ARHGEF3: variants seen among roughly 807,000 people sequenced by gnomAD.
ARHGEF3 encodes 59.8 kDA protein.
A neutral mutation model predicts 63.2 loss-of-function variants in ARHGEF3; 28 were observed. The ratio of observed to expected loss-of-function variants is 0.44; its 90% CI spans 0.33 to 0.61. The LOEUF (loss-of-function observed/expected upper bound fraction) is 0.61. ARHGEF3 is among the 20% of genes least tolerant of loss of function. ARHGEF3 has a pLI of 0.03. For synonymous variants in ARHGEF3, 266 were observed against 254.2 expected (o/e 1.05, Z -0.44); for missense variants, 533 against 659.3 (o/e 0.81, Z 2.10).
At chr3:56,970,137 T>C (rs941507795) in intron 2 of ARHGEF3, among the ~76,000 whole-genome samples, 8 of 152,182 alleles carry the variant, frequency 5.3e-5, no homozygotes, top group Admixed American at 4.6e-4. Context: ...CACAACCTTG[T>C]GAATGTACTT....
At chr3:56,888,906 A>AC (rs2041017797) in intron 3 of ARHGEF3, among the ~76,000 whole-genome samples, 1 of 148,752 alleles carries the variant, frequency 6.7e-6, no homozygotes, top group Non-Finnish European at 1.5e-5. Context: ...TCCATCTCAA[A>AC]AAAAAACAAA....
At chr3:56,967,566 T>C (rs1360563421) in intron 2 of ARHGEF3, among the ~76,000 whole-genome samples, 4 of 90,254 alleles carry the variant, frequency 4.4e-5, no homozygotes, top group Non-Finnish European at 7.7e-5. Flanking sequence ...ATATAATATA[T>C]AATATATATT....
chr3:56,820,375 TTAAAACACATAATGAGAAAG>T (rs2038436263), intron 4 of ARHGEF3, among the ~76,000 whole-genome samples: 1 of 151,918 alleles, frequency 6.6e-6, no homozygotes, highest in South Asian at 2.1e-4. Context: ...GAGGAAAACA[TTAAAACACATAATGAGAAAG>T]CACACCTGAA....
intron 3 of ARHGEF3, among the ~76,000 whole-genome samples, chr3:56,918,470 C>T (rs948480525): frequency 6.6e-6 from 1 of 152,240 alleles, no homozygotes; most frequent in Non-Finnish European, 1.5e-5. Context: ...GGCTGCAGCA[C>T]TTCGTGCAAG....
At chr3:56,789,373 G>A (rs964701286) in intron 1 of ARHGEF3, among the ~76,000 whole-genome samples, 3 of 152,162 alleles carry the variant, frequency 2.0e-5, no homozygotes, top group Admixed American at 6.5e-5. Flanking sequence ...CATTTTAGCT[G>A]GCACTTTGGC....
intron 4 of ARHGEF3, among the ~76,000 whole-genome samples, chr3:56,872,558 G>A (rs1358789620): frequency 7.0e-6 from 1 of 142,118 alleles, no homozygotes; most frequent in Non-Finnish European, 1.5e-5. Context: ...TTGCCAGGCT[G>A]GAGTGCAGTG....
In ARHGEF3 at chr3:56,760,724, G is replaced by A. The variant is rs144881997; in HGVS notation, c.205-5573C>T. Among the ~76,000 whole-genome samples the A allele has an allele frequency of 2.3e-3, 348 of 151,856 alleles. 2 individuals are homozygous for A. The highest frequency in any genetic ancestry group is 8.0e-3 in the African/African-American group (333 of 41,548). On this transcript the variant is annotated intron_variant, in intron 2 of 9. Coordinates refer to ENST00000296315, the MANE Select transcript of ARHGEF3 (RefSeq NM_019555.3). ...TTCTACTTTGGGGACTGCATCTACT[G>A]TTTACATGCAAGACATGCATTTTGG...
rs78896347 is a variant in ARHGEF3 at position 56,911,093 on chromosome 3, T to A, written c.130-28739A>T. ...AAGTTTAGCCTTGCCCAGGGTTAACTGCAAAATCCAGAACTTGATCCTCAG... is the reference window on the plus strand; with the variant it reads ...AAGTTTAGCCTTGCCCAGGGTTAACAGCAAAATCCAGAACTTGATCCTCAG... On this transcript the variant is annotated intron_variant, in intron 3 of 12. Coordinates refer to the ARHGEF3 transcript ENST00000338458. 4.6e-3 allele frequency among the ~76,000 whole-genome samples: 701 copies of A among 152,226 alleles called. 3 individuals carry two copies. The highest frequency in any genetic ancestry group is 7.9e-3 in the Non-Finnish European group (537 of 68,012).
At chr3:56,907,101 C>A (rs2041710640) in intron 3 of ARHGEF3, among the ~76,000 whole-genome samples, 1 of 150,710 alleles carries the variant, frequency 6.6e-6, no homozygotes, top group South Asian at 2.1e-4. Context: ...CCTGCCTCAG[C>A]CTCCCAAATA....
intron 4 of ARHGEF3, among the ~76,000 whole-genome samples, chr3:56,865,527 C>T (rs1368755979): frequency 6.6e-6 from 1 of 152,156 alleles, no homozygotes; most frequent in Non-Finnish European, 1.5e-5. Context: ...TGTGAAAACT[C>T]ACTGTATCCA....
At chr3:56,805,537 C>G (rs751982649), upstream of ARHGEF3, among the ~76,000 whole-genome samples, 9 of 152,080 alleles carry the variant, frequency 5.9e-5, no homozygotes, top group Non-Finnish European at 1.2e-4. Context: ...GCCTGGCCTC[C>G]GAAGAAATGT....
At chr3:57,007,040 G>A in intron 2 of ARHGEF3, 1 of 724,176 alleles carries the variant, frequency 1.4e-6, no homozygotes, top group Non-Finnish European at 1.9e-6. Context: ...TGGGGCGATG[G>A]TCACACTGTG....
intron 2 of ARHGEF3, among the ~76,000 whole-genome samples, chr3:57,028,905 G>GTGACTT (rs1484509446): frequency 6.6e-6 from 1 of 151,480 alleles, no homozygotes; most frequent in African/African-American, 2.4e-5. Flanking sequence ...AGCTTTTTTA[G>GTGACTT]TGACTTTGCA....
intron 4 of ARHGEF3, among the ~76,000 whole-genome samples, chr3:56,827,265 G>A (rs1017950719): frequency 6.6e-6 from 1 of 152,112 alleles, no homozygotes; most frequent in Admixed American, 6.6e-5. Context: ...AGACTTCCTA[G>A]AAATCAAGAA....
At chr3:56,814,998 G>T (rs562313852) in intron 4 of ARHGEF3, among the ~76,000 whole-genome samples, 2 of 152,068 alleles carry the variant, frequency 1.3e-5, no homozygotes, top group South Asian at 4.2e-4. Context: ...ATAACAATTA[G>T]CCAGGCACAG....
intron 2 of ARHGEF3, among the ~76,000 whole-genome samples, chr3:56,974,871 G>A (rs546405902): frequency 5.9e-5 from 9 of 152,284 alleles, no homozygotes; most frequent in Non-Finnish European, 1.2e-4. Context: ...TGCCTGGGGA[G>A]AGCCTGTTCT....
chr3:56,768,743 T>A (rs2035852329), intron 2 of ARHGEF3, among the ~76,000 whole-genome samples: 1 of 151,560 alleles, frequency 6.6e-6, no homozygotes, highest in African/African-American at 2.4e-5. Context: ...CAGGAATATT[T>A]AATCCTAATA....
intron 1 of ARHGEF3, among the ~76,000 whole-genome samples, chr3:56,796,215 G>A (rs1014162348): frequency 1.3e-5 from 2 of 152,140 alleles, no homozygotes; most frequent in African/African-American, 4.8e-5. Context: ...TGCAAAATTA[G>A]GTTGTGATCA....
At position 56,773,717 on chromosome 3, in the gene ARHGEF3, T is replaced by A; in HGVS notation, c.196A>T (p.Thr66Ser). The change falls in exon 2 of 10, where the codon ACC (threonine) becomes TCC (serine). Residue 66 changes from threonine to serine, a missense_variant. Transcript: ENST00000296315. ...KATPLKRFSQ[T>S]LQRSISFRSE... is the part of the protein sequence containing the mutation. ...CTGTGTGCCCTTCTTACCTGCAGGGTTTGACTGAAGCGCTTTAATGGCGTG... is the reference window on the plus strand; with the variant it reads ...CTGTGTGCCCTTCTTACCTGCAGGGATTGACTGAAGCGCTTTAATGGCGTG... The A allele has an allele frequency of 6.3e-7, 1 of 1,581,338 alleles. No homozygotes were observed. Among genetic ancestry groups the A allele is most frequent in the Admixed American group, 2.0e-5 (1 of 50,290 alleles).
Sources: allele counts gnomAD v4.1 joint callset (sites outside exome capture counted in the v4.1 genomes callset), GRCh38; gene constraint gnomAD v4.1.1; transcripts MANE v1.5; gene names NCBI Gene and HGNC (gene_info 2026-07-23, HGNC 2026-07-21).